CSMD2: variants seen among roughly 807,000 people sequenced by gnomAD.
The protein encoded by CSMD2 is CUB and Sushi multiple domains 2.
Under a neutral mutation model 398.5 loss-of-function variants are expected in CSMD2, and 130 were observed. The observed-to-expected ratio is 0.33, with a 90% CI of 0.28 to 0.38. The LOEUF (loss-of-function observed/expected upper bound fraction) is 0.38, where lower values mean the gene tolerates loss of function less well. CSMD2 is among the 10% of genes least tolerant of loss of function. The pLI is 1.00. For synonymous variants in CSMD2, 1,828 were observed against 1,908.5 expected (o/e 0.96, Z 1.10); for missense variants, 3,829 against 4,764.9 (o/e 0.80, Z 5.78).
At chr1:33,678,925 A>C (rs1320309895) in intron 25 of CSMD2, among the ~76,000 whole-genome samples, 1 of 152,186 alleles carries the variant, frequency 6.6e-6, no homozygotes, top group Admixed American at 6.5e-5. Flanking sequence ...ACGTTGCAGA[A>C]TGTTCCAGGG....
intron 3 of CSMD2, among the ~76,000 whole-genome samples, chr1:34,027,967 CTT>C (rs1649893284): frequency 3.3e-5 from 5 of 152,166 alleles, no homozygotes; most frequent in Admixed American, 3.3e-4. Flanking sequence ...TTTTCAGACT[CTT>C]TGCTGAAAAT....
chr1:33,623,729 T>C (rs1217147644), intron 35 of CSMD2, among the ~76,000 whole-genome samples: 2 of 152,184 alleles, frequency 1.3e-5, no homozygotes, highest in Non-Finnish European at 2.9e-5. Flanking sequence ...GAAAAGAAGT[T>C]CCAGGAAGTG....
intron 1 of CSMD2, among the ~76,000 whole-genome samples, chr1:34,130,622 C>G (rs936599429): frequency 9.2e-5 from 14 of 152,042 alleles, no homozygotes; most frequent in Admixed American, 9.2e-4. Flanking sequence ...GAAGGAACCA[C>G]AGGTGAGAAC....
chr1:33,682,765 C>T (rs1470190040), intron 25 of CSMD2, among the ~76,000 whole-genome samples: 1 of 152,106 alleles, frequency 6.6e-6, no homozygotes, highest in African/African-American at 2.4e-5. Flanking sequence ...CCTCTGCCTC[C>T]CCCTTTCCCT....
chr1:33,918,930 G>C (rs1051213403), intron 4 of CSMD2, among the ~76,000 whole-genome samples: 1 of 152,176 alleles, frequency 6.6e-6, no homozygotes, highest in Non-Finnish European at 1.5e-5. Context: ...CTGACATGTG[G>C]GTAGATGCTA....
chr1:33,608,272 G>C (rs1390805988), intron 41 of CSMD2, among the ~76,000 whole-genome samples: 1 of 152,168 alleles, frequency 6.6e-6, no homozygotes, highest in African/African-American at 2.4e-5. Flanking sequence ...CTCATCACAC[G>C]GGGAGCACAG....
At chr1:33,651,273 G>A (rs1206642854) in intron 28 of CSMD2, among the ~76,000 whole-genome samples, 2 of 152,178 alleles carry the variant, frequency 1.3e-5, no homozygotes, top group African/African-American at 4.8e-5. Flanking sequence ...GGCGATAGAG[G>A]CTGCATGCCT....
At chr1:34,133,905 C>T (rs111766347) in intron 1 of CSMD2, among the ~76,000 whole-genome samples, 1 of 151,796 alleles carries the variant, frequency 6.6e-6, no homozygotes, top group South Asian at 2.1e-4. Flanking sequence ...CCCGTCTCTA[C>T]TAAAAATACA....
At chr1:33,621,879 A>G (rs1641794542) in intron 37 of CSMD2, among the ~76,000 whole-genome samples, 1 of 152,210 alleles carries the variant, frequency 6.6e-6, no homozygotes, top group Admixed American at 6.5e-5. Context: ...CAATTTTCTT[A>G]CATCCCAATT....
At chr1:33,750,743 C>T (rs1390843110) in intron 13 of CSMD2, among the ~76,000 whole-genome samples, 1 of 152,100 alleles carries the variant, frequency 6.6e-6, no homozygotes, top group Admixed American at 6.5e-5. Context: ...TTGATCAATA[C>T]CTGATGCTAG....
chr1:34,071,707 G>C (rs1368647691), intron 2 of CSMD2, among the ~76,000 whole-genome samples: 1 of 152,212 alleles, frequency 6.6e-6, no homozygotes, highest in East Asian at 1.9e-4. Context: ...CTGTGGAAAA[G>C]GAGCAAGATT....
At chr1:33,784,279 G>T (rs1420754336) in intron 12 of CSMD2, among the ~76,000 whole-genome samples, 1 of 152,166 alleles carries the variant, frequency 6.6e-6, no homozygotes. Flanking sequence ...AAGAAAACCA[G>T]GAGGTGGAGG....
chr1:34,098,728 A>G (rs1033309315), intron 1 of CSMD2, among the ~76,000 whole-genome samples: 2 of 152,096 alleles, frequency 1.3e-5, no homozygotes, highest in African/African-American at 4.8e-5. Flanking sequence ...GAAAAGAATT[A>G]AGTTATCTCC....
At chr1:33,713,707 C>G (rs981619728) in intron 21 of CSMD2, among the ~76,000 whole-genome samples, 3 of 152,116 alleles carry the variant, frequency 2.0e-5, no homozygotes, top group Non-Finnish European at 4.4e-5. Flanking sequence ...GCCGCTTGCT[C>G]CAGCTTGGCC....
chr1:33,567,068 A>C (rs2148678075), intron 53 of CSMD2, among the ~76,000 whole-genome samples: 1 of 152,292 alleles, frequency 6.6e-6, no homozygotes, highest in South Asian at 2.1e-4. Flanking sequence ...TATTACATAC[A>C]ATGCAATAAA....
chr1:33,605,620 T>C (rs1468185166), intron 41 of CSMD2, 150 bp from the exon 42 acceptor site: 4 of 837,666 alleles, frequency 4.8e-6, no homozygotes, highest in Non-Finnish European at 7.4e-6. Context: ...ATTTAACTTG[T>C]GTACGCCTCA....
chr1:33,604,205 G>C (rs1640425263), intron 42 of CSMD2, among the ~76,000 whole-genome samples: 1 of 152,216 alleles, frequency 6.6e-6, no homozygotes, highest in African/African-American at 2.4e-5. Context: ...TGTGAGAATG[G>C]AAGAAAGCCC....
intron 7 of CSMD2, among the ~76,000 whole-genome samples, chr1:33,821,269 T>C (rs567216509): frequency 5.3e-5 from 8 of 152,260 alleles, no homozygotes; most frequent in Admixed American, 5.2e-4. Context: ...AAAAACCATA[T>C]GCACAGTTGT....
In CSMD2 at chr1:33,569,528, G is replaced by C. The variant is rs1247670387; in HGVS notation, c.7977C>G (p.Leu2659=). 1 of 1,614,032 alleles carries C rather than the reference G, an allele frequency of 6.2e-7. No individual in the cohort carries two copies. Among genetic ancestry groups the C allele is most frequent in the Non-Finnish European group, 8.5e-7 (1 of 1,179,998 alleles). The stretch of plus-strand genomic sequence containing the variant: ...TGCGGTGGCCATTGGGGGGAATCGG[G>C]AGCTCTCCACAGGAGATGACTAAAA... ...PTCRIISCGE[L]PIPPNGHRIG... The change falls in exon 52 of 71, where the codon CTC becomes CTG. Residue 2659 remains leucine (L), a synonymous_variant. Coordinates refer to ENST00000373381, the MANE Select transcript of CSMD2 (RefSeq NM_001281956.2).
Sources: allele counts gnomAD v4.1 joint callset (sites outside exome capture counted in the v4.1 genomes callset), GRCh38; gene constraint gnomAD v4.1.1; transcripts MANE v1.5; gene names NCBI Gene and HGNC (gene_info 2026-07-23, HGNC 2026-07-21).